Variants in GOLGA3 observed in about 807,000 individuals in gnomAD.
GOLGA3 encodes the protein golgin subfamily A member 3.
Under a neutral mutation model 169.4 loss-of-function variants are expected in GOLGA3, and 75 were observed. The ratio of observed to expected loss-of-function variants is 0.44; its 90% CI spans 0.37 to 0.54. The LOEUF (loss-of-function observed/expected upper bound fraction) is 0.54. Ranked by LOEUF, GOLGA3 falls within the 20% of genes least tolerant of loss-of-function variation. The pLI is 0.00. For synonymous variants in GOLGA3, 824 were observed against 822.4 expected, an observed-to-expected ratio of 1.00 and a Z score of -0.03; for missense variants, 1,899 against 1,930.0, an observed-to-expected ratio of 0.98 and a Z score of 0.30.
chr12:132,801,263 TG>T (rs1409383091), intron 8 of GOLGA3, among the ~76,000 whole-genome samples: 3 of 152,174 alleles, frequency 2.0e-5, no homozygotes, highest in African/African-American at 4.8e-5. Context: ...TGGGAAGACG[TG>T]GTCCCCGTGT....
intron 20 of GOLGA3, 46 bp downstream of exon 20, chr12:132,776,912 C>A: frequency 6.5e-7 from 1 of 1,549,180 alleles, no homozygotes; most frequent in Non-Finnish European, 8.7e-7. Context: ...TCACCCAGGG[C>A]ACCCGTGAGT....
At position 132,786,805 on chromosome 12, in the gene GOLGA3, G is replaced by GGCGTGAGGA; in HGVS notation, c.2812-27_2812-19dup. The GGCGTGAGGA allele has an allele frequency of 6.5e-7, 1 of 1,549,404 alleles. No homozygotes were observed. On this transcript the variant is annotated intron_variant, in intron 13 of 23. Coordinates refer to ENST00000450791, the MANE Select transcript of GOLGA3 (RefSeq NM_001389683.1). The stretch of plus-strand genomic sequence containing the variant: ...TGCAACGACTGTGGAAGGGAAGGAG[G>GGCGTGAGGA]GCGTGAGGAGCGGCACTGCCACCCC...
chr12:132,802,386 G>GCA (rs775685113), intron 7 of GOLGA3, among the ~76,000 whole-genome samples: 15,551 of 98,160 alleles, frequency 0.16, 1,130 homozygotes, highest in Non-Finnish European at 0.23. Flanking sequence ...AGGGGGCATG[G>GCA]GGGGTGCAGG....
chr12:132,798,551 G>A lies in GOLGA3; in HGVS notation c.1801-74C>T, dbSNP rs1052783454. 3.5e-6 allele frequency: 5 copies of A among 1,428,774 alleles called. No homozygotes were observed. In the African/African-American group the frequency reaches 5.7e-5, roughly 16 times the overall value. The allele number at this position is 1,428,774 out of a possible 1,614,324, so 88.5% of individuals were successfully genotyped here. A position where few individuals can be genotyped will look rare whatever the true frequency, so the allele number is the denominator to read the frequency against. ...AAATGCAGACCAGCCTGTCCCTGGA[G>A]GCCCCAGGGTGAGGGTCACTGGCTG... On this transcript the variant is annotated intron_variant, in intron 8 of 23. Transcript: ENST00000450791.
intron 11 of GOLGA3, among the ~76,000 whole-genome samples, chr12:132,794,535 C>T (rs1948728266): frequency 6.6e-6 from 1 of 152,132 alleles, no homozygotes; most frequent in South Asian, 2.1e-4. Context: ...TTCATCTGCC[C>T]TGGGGAAAAC....
At chr12:132,778,867 C>T (rs2045392813) in intron 18 of GOLGA3, among the ~76,000 whole-genome samples, 1 of 151,340 alleles carries the variant, frequency 6.6e-6, no homozygotes, top group South Asian at 2.1e-4. Context: ...TGCACTCCAG[C>T]CTGGTGACAA....
At chr12:132,807,706 G>A (rs1309478842) in intron 5 of GOLGA3, among the ~76,000 whole-genome samples, 185 bp downstream of exon 5, 1 of 152,138 alleles carries the variant, frequency 6.6e-6, no homozygotes, top group African/African-American at 2.4e-5. Flanking sequence ...GGAGAGCCGT[G>A]GGCCCGGGAA....
intron 1 of GOLGA3, among the ~76,000 whole-genome samples, chr12:132,824,888 A>G (rs1237969120): frequency 6.6e-6 from 1 of 152,140 alleles, no homozygotes; most frequent in Non-Finnish European, 1.5e-5. Context: ...ACACACTCCA[A>G]GAGAACTGGG....
Position 132,777,585 on chromosome 12 carries a change from C to A in GOLGA3, c.3722+81G>T, listed in dbSNP as rs552042765. The A allele has an allele frequency of 6.7e-7, 1 of 1,491,374 alleles. No homozygotes were observed. Among genetic ancestry groups the A allele is most frequent in the South Asian group, 1.2e-5 (1 of 83,624 alleles). The allele number at this position is 1,491,374 out of a possible 1,614,324, so 92.4% of individuals were successfully genotyped here. On this transcript the variant is annotated intron_variant, in intron 19 of 23. Coordinates refer to ENST00000450791, the MANE Select transcript of GOLGA3 (RefSeq NM_001389683.1). This position sits in a 1 kb window ranked among gnomAD's most constrained non-coding sequence, Gnocchi z 4.7. The stretch of plus-strand genomic sequence containing the variant: ...CAATTTGCAAAATATAGATGACCCT[C>A]GCTGTGCTGAAGGTGTGAATTAGAC...
Position 132,804,805 on chromosome 12 carries a change from TTGTTGGACGACGC to T in GOLGA3, c.1495_1507del (p.Ala499ThrfsTer17). On this transcript the variant is annotated frameshift_variant, in exon 7 of 24. Coordinates refer to ENST00000450791, the MANE Select transcript of GOLGA3 (RefSeq NM_001389683.1). LOFTEE classifies it high-confidence loss of function. This position sits in a 1 kb window ranked among gnomAD's most constrained non-coding sequence, Gnocchi z 4.1. Reference sequence around the variant, plus strand: ...CTGCTCCTCGGCCACCTGCAAGTCGTTGTTGGACGACGCCAGGCTGGCATTTTTTGCCTCCAGC... The same window carrying T: ...CTGCTCCTCGGCCACCTGCAAGTCGTCAGGCTGGCATTTTTTGCCTCCAGC... The T allele has an allele frequency of 6.2e-7, 1 of 1,614,218 alleles. No individual in the cohort carries two copies. Among genetic ancestry groups the T allele is most frequent in the Non-Finnish European group, 8.5e-7 (1 of 1,180,020 alleles).
In GOLGA3 at chr12:132,786,692, C is replaced by T. The variant is rs1409340254; in HGVS notation, c.2906+1G>A. On this transcript the variant is annotated splice_donor_variant, in intron 14 of 23. Transcript: ENST00000450791. LOFTEE classifies it high-confidence loss of function. ...CCTCCCCCGGGCACATGCAGACTTACTTCCGGGCCTCTTGCTGCAACTCTT... is the reference window on the plus strand; with the variant it reads ...CCTCCCCCGGGCACATGCAGACTTATTTCCGGGCCTCTTGCTGCAACTCTT... The T allele has an allele frequency of 6.4e-7, 1 of 1,551,796 alleles. No individual in the cohort carries two copies. Among genetic ancestry groups the T allele is most frequent in the Non-Finnish European group, 8.8e-7 (1 of 1,139,678 alleles).
chr12:132,805,245 AG>A (rs1331368366), intron 6 of GOLGA3, among the ~76,000 whole-genome samples: 1 of 127,728 alleles, frequency 7.8e-6, no homozygotes, highest in Non-Finnish European at 1.7e-5. Context: ...AAGGCCTGAC[AG>A]GGGACCCCAA....
At chr12:132,782,232 G>A (rs554308847) in intron 17 of GOLGA3, 64 bp downstream of exon 17, 344 of 1,353,884 alleles carry the variant, frequency 2.5e-4, no homozygotes, top group African/African-American at 2.1e-3. Flanking sequence ...TGAGATTCTC[G>A]GAGTGCGCAC....
At chr12:132,802,945 C>T (rs532767060) in intron 7 of GOLGA3, among the ~76,000 whole-genome samples, 2 of 152,242 alleles carry the variant, frequency 1.3e-5, no homozygotes, top group South Asian at 4.1e-4. Context: ...ATACCAGCTA[C>T]TAGGGAGGCT....
At chr12:132,784,570 G>A (rs541021834) in intron 15 of GOLGA3, among the ~76,000 whole-genome samples, 2 of 152,342 alleles carry the variant, frequency 1.3e-5, no homozygotes, top group East Asian at 1.9e-4. Context: ...AATCTGACCT[G>A]CAGATAATGG....
chr12:132,818,880 G>A (rs1950098362), intron 2 of GOLGA3, among the ~76,000 whole-genome samples: 1 of 152,024 alleles, frequency 6.6e-6, no homozygotes, highest in South Asian at 2.1e-4. Context: ...TTGGACCAGT[G>A]ACAATTCTAT....
intron 1 of GOLGA3, chr12:132,826,333 C>A: frequency 1.5e-6 from 1 of 652,494 alleles, no homozygotes; most frequent in South Asian, 2.0e-5. Context: ...GATGGGATGA[C>A]CAGCAGGACT....
intron 4 of GOLGA3, among the ~76,000 whole-genome samples, chr12:132,812,002 CAAA>C (rs71076477): frequency 2.5e-5 from 1 of 39,898 alleles, no homozygotes. Flanking sequence ...CTCCGTCTCT[CAAA>C]AAAAAAAAAA....
intron 8 of GOLGA3, among the ~76,000 whole-genome samples, chr12:132,800,352 G>A (rs1369273771): frequency 6.6e-6 from 1 of 152,028 alleles, no homozygotes; most frequent in Non-Finnish European, 1.5e-5. Flanking sequence ...AAATTAGCCG[G>A]GCATGGTGGC....
Sources: gnomAD v4.1 joint callset for allele counts (sites outside exome capture counted in the v4.1 genomes callset) on GRCh38, gnomAD v4.1.1 for gene constraint, Gnocchi (gnomAD v3.1) non-coding constraint, MANE v1.5 for transcripts, NCBI Gene and HGNC (gene_info 2026-07-23, HGNC 2026-07-21) for gene names.